The following GPSM2 variants were observed in gnomAD, a reference collection of about 807,000 sequenced individuals.
The protein encoded by GPSM2 is G protein-signaling modulator 2.
In GPSM2, 58 loss-of-function variants were observed where a neutral mutation model predicts 78.4. The observed-to-expected ratio is 0.74, with a 90% confidence interval of 0.60 to 0.92. GPSM2 has a LOEUF of 0.92. GPSM2 is among the 40% of genes least tolerant of loss of function. The probability of loss-of-function intolerance (pLI) is 0.00; values close to 1 mark genes in which losing one functional copy is unlikely to be tolerated. For synonymous variants in GPSM2, 224 were observed against 280.2 expected (o/e 0.80, Z 2.00); for missense variants, 700 against 815.5 (o/e 0.86, Z 1.73).
intron 9 of GPSM2, among the ~76,000 whole-genome samples, chr1:108,903,581 T>C (rs1648992569): frequency 1.3e-5 from 2 of 152,220 alleles, no homozygotes; most frequent in African/African-American, 2.4e-5. Flanking sequence ...GTTGTAGTTC[T>C]GCCACTTACT....
rs1570995810 is a variant in GPSM2, at chr1:108,934,488, T to C, written c.*4548T>C. Reference sequence around the variant, plus strand: ...GAAGATGAAATGAAAAGCTTTTACATATATAACGTGTTTGTTAATTCTAAT... The same window carrying C: ...GAAGATGAAATGAAAAGCTTTTACACATATAACGTGTTTGTTAATTCTAAT... On this transcript the variant is annotated 3_prime_UTR_variant, in exon 15 of 15. Coordinates refer to ENST00000264126, the MANE Select transcript of GPSM2 (RefSeq NM_013296.5). The C allele has an allele frequency of 4.7e-6, 3 of 639,894 alleles. No individual in the cohort carries two copies. In the East Asian group the frequency reaches 8.3e-5, roughly 18 times the overall value. The allele number at this position is 639,894 out of a possible 1,614,324, so 39.6% of individuals were successfully genotyped here. A position where few individuals can be genotyped will look rare whatever the true frequency, so the allele number is the denominator to read the frequency against.
intron 2 of GPSM2, among the ~76,000 whole-genome samples, chr1:108,890,913 T>C (rs2101361120): frequency 6.6e-6 from 1 of 152,330 alleles, no homozygotes; most frequent in African/African-American, 2.4e-5. Flanking sequence ...TTTTAAGGAA[T>C]TATTAATTTT....
chr1:108,886,719 A>G (rs1353744323), intron 2 of GPSM2, among the ~76,000 whole-genome samples: 5 of 152,158 alleles, frequency 3.3e-5, no homozygotes, highest in Admixed American at 3.3e-4. Flanking sequence ...CTTCCCACTG[A>G]TCTAGATCAG....
At chr1:108,919,269 A>G (rs1251755695) in intron 12 of GPSM2, among the ~76,000 whole-genome samples, 1 of 152,142 alleles carries the variant, frequency 6.6e-6, no homozygotes, top group East Asian at 1.9e-4. Flanking sequence ...TGGCCTCCCA[A>G]AGTGCTGGGA....
chr1:108,880,334 C>A (rs887079023), intron 1 of GPSM2, among the ~76,000 whole-genome samples: 1 of 152,196 alleles, frequency 6.6e-6, no homozygotes, highest in Non-Finnish European at 1.5e-5. Flanking sequence ...GTGGCTCACA[C>A]CTGTAATCCC....
intron 10 of GPSM2, among the ~76,000 whole-genome samples, chr1:108,908,728 A>AACACACACACACACAC (rs71591128): frequency 0.03 from 4,503 of 148,440 alleles, 92 homozygotes; most frequent in Middle Eastern, 0.075. Flanking sequence ...TCAAAACACA[A>AACACACACACACACAC]ACACACACAC....
chr1:108,909,900 T>A (rs1372993911), intron 10 of GPSM2: 3 of 65,128 alleles, frequency 4.6e-5, no homozygotes, highest in African/African-American at 7.1e-5. Context: ...AGACGCCATC[T>A]CCAAAAAAAA....
intron 9 of GPSM2, among the ~76,000 whole-genome samples, chr1:108,903,816 AATCTAC>A (rs1204734209): frequency 6.6e-6 from 1 of 152,188 alleles, no homozygotes; most frequent in Non-Finnish European, 1.5e-5. Context: ...TGTCCAGGAT[AATCTAC>A]ATTATTACTT....
chr1:108,928,684 A>G (rs947147048), intron 14 of GPSM2, among the ~76,000 whole-genome samples: 3 of 152,214 alleles, frequency 2.0e-5, no homozygotes, highest in African/African-American at 4.8e-5. Context: ...TATAAGAATC[A>G]TAATACTCAA....
At chr1:108,895,455 C>G (rs1455836076) in intron 2 of GPSM2, among the ~76,000 whole-genome samples, 1 of 152,180 alleles carries the variant, frequency 6.6e-6, no homozygotes, top group Non-Finnish European at 1.5e-5. Flanking sequence ...GGGCCACAGA[C>G]CAGTACTGTT....
intron 14 of GPSM2, among the ~76,000 whole-genome samples, chr1:108,928,020 A>T (rs1651266789): frequency 6.6e-6 from 1 of 152,224 alleles, no homozygotes; most frequent in African/African-American, 2.4e-5. Context: ...TTTCTTGGTT[A>T]TAAAACCAAA....
At chr1:108,908,723 A>T (rs1649459840) in intron 10 of GPSM2, among the ~76,000 whole-genome samples, 1 of 149,352 alleles carries the variant, frequency 6.7e-6, no homozygotes, top group Non-Finnish European at 1.5e-5. Context: ...CCATCTCAAA[A>T]CACAAACACA....
At position 108,885,331 on chromosome 1, in the gene GPSM2, T is replaced by C; in HGVS notation, c.-192T>C. ...GAGATGCAAGGATTTGGGATACATT[T>C]TGAACCTTTAAGCTGTCTGACATTG... On this transcript the variant is annotated 5_prime_UTR_variant, in exon 2 of 15. Transcript: ENST00000264126. The C allele has an allele frequency of 2.0e-6, 1 of 491,944 alleles. No individual in the cohort carries two copies. The highest frequency in any genetic ancestry group is 3.6e-6 in the Non-Finnish European group (1 of 278,382). 30.5% of individuals were successfully genotyped at this position (491,944 alleles called of 1,614,324 possible).
intron 10 of GPSM2, among the ~76,000 whole-genome samples, chr1:108,908,711 C>T (rs977493239): frequency 5.4e-5 from 5 of 92,700 alleles, no homozygotes; most frequent in African/African-American, 3.8e-4. Flanking sequence ...GACAGCCAGA[C>T]TCCATCTCAA....
At chr1:108,886,656 C>T (rs536883936) in intron 2 of GPSM2, among the ~76,000 whole-genome samples, 62 of 152,206 alleles carry the variant, frequency 4.1e-4, no homozygotes, top group African/African-American at 1.4e-3. Context: ...CCTTTGGCTA[C>T]ACCTTATATA....
At chr1:108,888,759 A>G (rs1647755453) in intron 2 of GPSM2, among the ~76,000 whole-genome samples, 1 of 152,248 alleles carries the variant, frequency 6.6e-6, no homozygotes, top group Non-Finnish European at 1.5e-5. Flanking sequence ...ATGTCTTAAC[A>G]TATTTAGGAA....
chr1:108,911,684 G>A (rs954959967), intron 10 of GPSM2, among the ~76,000 whole-genome samples: 4 of 151,598 alleles, frequency 2.6e-5, no homozygotes, highest in East Asian at 1.9e-4. Flanking sequence ...AGGCCTCAAC[G>A]TACATAAAGC....
In GPSM2 at chr1:108,901,868, T is replaced by C. The variant is rs752734117; in HGVS notation, c.876T>C (p.Tyr292=). The C allele has an allele frequency of 6.8e-6, 11 of 1,611,006 alleles. No homozygotes were observed. The African/African-American group carries it at 9.3e-5, about 14-fold the overall frequency. Residue 292 remains tyrosine (Y), a synonymous_variant, in exon 8 of 15, where the codon TAT becomes TAC. Transcript: ENST00000264126. ...AQSCYSLGNT[Y]TLLQDYEKAI... The stretch of plus-strand genomic sequence containing the variant: ...CTTGTTACAGTCTTGGAAATACATA[T>C]ACTTTACTTCAAGACTATGAAAAGG...
chr1:108,911,473 G>A (rs974961664), intron 10 of GPSM2, among the ~76,000 whole-genome samples: 18 of 152,108 alleles, frequency 1.2e-4, no homozygotes, highest in African/African-American at 4.3e-4. Flanking sequence ...GTTGCAGTGA[G>A]CCGAGATCAC....
Sources: gnomAD v4.1 joint callset for allele counts (sites outside exome capture counted in the v4.1 genomes callset) on GRCh38, gnomAD v4.1.1 for gene constraint, MANE v1.5 for transcripts, NCBI Gene and HGNC (gene_info 2026-07-23, HGNC 2026-07-21) for gene names.